The following OSBPL3 variants were observed in gnomAD, a reference collection of about 807,000 sequenced individuals.
The protein encoded by OSBPL3 is oxysterol binding protein like 3.
OSBPL3 carries 65 observed loss-of-function variants against 120.1 expected under a neutral mutation model. The ratio of observed to expected loss-of-function variants is 0.54; its 90% CI spans 0.44 to 0.67. The LOEUF is 0.67. Among genes scored for constraint, OSBPL3 ranks in the 30% least tolerant of loss-of-function variants. The probability of loss-of-function intolerance (pLI) is 0.00; values close to 1 mark genes in which losing one functional copy is unlikely to be tolerated. For missense variants in OSBPL3, 1,004 were observed against 1,082.1 expected (o/e 0.93, Z 1.01); for synonymous variants, 416 against 402.6 (o/e 1.03, Z -0.40).
rs1805810966 is a variant in OSBPL3, at chr7:24,894,340, G to A, written c.-149-1719C>T. On this transcript the variant is annotated intron_variant, in intron 1 of 22. Coordinates refer to ENST00000313367, the MANE Select transcript of OSBPL3 (RefSeq NM_015550.4). This position sits in a 1 kb window ranked among gnomAD's most constrained non-coding sequence, Gnocchi z 4.1. ...GATCCAATAATAAGTAAGACTAAAAGCAAACCAGCACCAGCCTCTTCATAA... is the reference window on the plus strand; with the variant it reads ...GATCCAATAATAAGTAAGACTAAAAACAAACCAGCACCAGCCTCTTCATAA... Among the ~76,000 whole-genome samples the A allele has an allele frequency of 6.6e-6, 1 of 152,104 alleles. No individual in the cohort carries two copies. Among genetic ancestry groups the A allele is most frequent in the African/African-American group, 2.4e-5 (1 of 41,414 alleles).
chr7:24,881,718 TTAAA>T lies in OSBPL3; in HGVS notation c.97-9653_97-9650del, dbSNP rs1325114136. Among the ~76,000 whole-genome samples the T allele has an allele frequency of 6.6e-6, 1 of 152,182 alleles. No individual in the cohort carries two copies. Among genetic ancestry groups the T allele is most frequent in the Non-Finnish European group, 1.5e-5 (1 of 68,026 alleles). On this transcript the variant is annotated intron_variant, in intron 2 of 22. Transcript: ENST00000313367. The surrounding 1 kb of genome is among the most constrained non-coding windows in gnomAD (Gnocchi z 4.3). ...ATGAGCAGTCACAAACTTTGGTGGC[TTAAA>T]TAAACAGATATTTATTCTCTAGCCG...
chr7:24,828,407 C>T (rs894321684), intron 16 of OSBPL3, among the ~76,000 whole-genome samples: 10 of 151,948 alleles, frequency 6.6e-5, no homozygotes, highest in Non-Finnish European at 1.3e-4. Context: ...GGTCAGTTTG[C>T]GACCAGCCCG....
chr7:24,812,057 A>G (rs986408400), intron 19 of OSBPL3, among the ~76,000 whole-genome samples: 1 of 152,226 alleles, frequency 6.6e-6, no homozygotes, highest in African/African-American at 2.4e-5. Context: ...CTGTAATCCC[A>G]GCACTTTGGG....
chr7:24,867,519 G>A lies in OSBPL3; in HGVS notation c.382-1282C>T, dbSNP rs550919811. On this transcript the variant is annotated intron_variant, in intron 5 of 22. Transcript: ENST00000313367. The surrounding 1 kb of genome is among the most constrained non-coding windows in gnomAD (Gnocchi z 4.5). ...CCATGGTGTTCTCGTGGTGGTGCGT[G>A]GGTCTCGCAAGATCTGGTGGTATTA... is the stretch of plus-strand genomic sequence containing the variant. 2.6e-5 allele frequency among the ~76,000 whole-genome samples: 4 copies of A among 152,188 alleles called. No homozygotes were observed. The highest frequency in any genetic ancestry group is 2.0e-4 in the Admixed American group (3 of 15,290).
intron 7 of OSBPL3, among the ~76,000 whole-genome samples, chr7:24,864,246 AATGC>A (rs1377446082): frequency 6.6e-6 from 1 of 152,198 alleles, no homozygotes; most frequent in Non-Finnish European, 1.5e-5. Flanking sequence ...CTGTTCACTG[AATGC>A]TGATGGATGT....
chr7:24,871,806 G>A lies in OSBPL3; in HGVS notation c.214-11C>T. On this transcript the variant is annotated splice_polypyrimidine_tract_variant and intron_variant, in intron 3 of 22. Transcript: ENST00000313367. The surrounding 1 kb of genome is among the most constrained non-coding windows in gnomAD (Gnocchi z 4.8). ...CAGATAGAAGAATCTCTGTGGGGAA[G>A]AAAGTATTATTAATTAAGGCATTCA... 6.2e-7 allele frequency: 1 copy of A among 1,605,538 alleles called. No individual in the cohort carries two copies.
At chr7:24,861,861 T>A in intron 9 of OSBPL3, 92 bp from the exon 10 acceptor site, 32 of 694,486 alleles carry the variant, frequency 4.6e-5, no homozygotes, top group Non-Finnish European at 6.1e-5. Context: ...GTAATACAAA[T>A]ACAAAACATT....
rs948156131 is a variant in OSBPL3, at chr7:24,877,267, A to C, written c.97-5198T>G. Among the ~76,000 whole-genome samples, 3 of 152,210 alleles carry C rather than the reference A, an allele frequency of 2.0e-5. No individual in the cohort carries two copies. Among genetic ancestry groups the C allele is most frequent in the East Asian group, 1.9e-4 (1 of 5,200 alleles). ...ATTGGAAGGAGTTAAGAAACAGTGCAGTATGGATGGAGGCAAGTAAGGTCT... is the reference window on the plus strand; with the variant it reads ...ATTGGAAGGAGTTAAGAAACAGTGCCGTATGGATGGAGGCAAGTAAGGTCT... On this transcript the variant is annotated intron_variant, in intron 2 of 22. Coordinates refer to ENST00000313367, the MANE Select transcript of OSBPL3 (RefSeq NM_015550.4). This position sits in a 1 kb window ranked among gnomAD's most constrained non-coding sequence, Gnocchi z 4.8.
intron 14 of OSBPL3, among the ~76,000 whole-genome samples, chr7:24,836,377 T>C (rs1325675694): frequency 2.0e-5 from 3 of 152,236 alleles, no homozygotes; most frequent in African/African-American, 4.8e-5. Flanking sequence ...CTGTGTGGTT[T>C]GGAGTGCTTT....
rs1205331767 is a variant in OSBPL3, at chr7:24,965,851, C to T, written c.-150+14035G>A. Among the ~76,000 whole-genome samples, 14 of 152,132 alleles carry T rather than the reference C, an allele frequency of 9.2e-5. No homozygotes were observed. The highest frequency in any genetic ancestry group is 9.2e-4 in the Admixed American group (14 of 15,276). On this transcript the variant is annotated intron_variant, in intron 1 of 22. Coordinates refer to ENST00000313367, the MANE Select transcript of OSBPL3 (RefSeq NM_015550.4). The surrounding 1 kb of genome is among the most constrained non-coding windows in gnomAD (Gnocchi z 4.3). ...CAGGCATTAGCCACTGCGACGGACT[C>T]AACTCAAGTGTTTTACCAGTCCCTC...
chr7:24,910,923 A>G (rs1365095360), intron 1 of OSBPL3, among the ~76,000 whole-genome samples: 1 of 152,192 alleles, frequency 6.6e-6, no homozygotes, highest in East Asian at 1.9e-4. Flanking sequence ...AGCTTCTACA[A>G]AATCCCAAAG....
intron 1 of OSBPL3, among the ~76,000 whole-genome samples, chr7:24,962,786 T>C (rs116494395): frequency 0.011 from 1,660 of 152,290 alleles, 22 homozygotes; most frequent in African/African-American, 0.037. Flanking sequence ...TTTTGGACGT[T>C]TTAGCAACAT....
In OSBPL3 at chr7:24,891,857, T is replaced by A. The variant is rs10256759; in HGVS notation, c.96+520A>T. Among the ~76,000 whole-genome samples, 80,542 of 151,994 alleles carry A rather than the reference T, an allele frequency of 0.53. 22,373 individuals are homozygous for A. Among genetic ancestry groups the A allele is most frequent in the East Asian group, 0.78 (4,031 of 5,164 alleles). ...CCATTATAGATATAAAGCAGGTGAG[T>A]CTCGAAGCTACTAACAGGGCAATCT... On this transcript the variant is annotated intron_variant, in intron 2 of 22. Coordinates refer to ENST00000313367, the MANE Select transcript of OSBPL3 (RefSeq NM_015550.4). The surrounding 1 kb of genome is among the most constrained non-coding windows in gnomAD (Gnocchi z 4.1).
At position 24,937,884 on chromosome 7, in the gene OSBPL3, T is replaced by C. The variant is rs1208054632; in HGVS notation, c.-150+42002A>G. 1.3e-5 allele frequency among the ~76,000 whole-genome samples: 2 copies of C among 152,250 alleles called. No individual in the cohort carries two copies. The highest frequency in any genetic ancestry group is 1.9e-4 in the East Asian group (1 of 5,204). ...ATATTCTTGTTCTGGTTTTATATTATGCTTCCAGAATCGAAAGGTATTTCC... is the reference window on the plus strand; with the variant it reads ...ATATTCTTGTTCTGGTTTTATATTACGCTTCCAGAATCGAAAGGTATTTCC... On this transcript the variant is annotated intron_variant, in intron 1 of 22. Transcript: ENST00000313367. The surrounding 1 kb of genome is among the most constrained non-coding windows in gnomAD (Gnocchi z 4.0).
intron 1 of OSBPL3, among the ~76,000 whole-genome samples, chr7:24,904,593 G>A (rs1807580124): frequency 6.6e-6 from 1 of 152,160 alleles, no homozygotes; most frequent in Non-Finnish European, 1.5e-5. Flanking sequence ...GAACATCCAT[G>A]AAATTTGGTA....
Position 24,940,190 on chromosome 7 carries a change from G to C in OSBPL3, c.-150+39696C>G, listed in dbSNP as rs1473884406. 6.6e-6 allele frequency among the ~76,000 whole-genome samples: 1 copy of C among 152,104 alleles called. No individual in the cohort carries two copies. Among genetic ancestry groups the C allele is most frequent in the Non-Finnish European group, 1.5e-5 (1 of 68,008 alleles). On this transcript the variant is annotated intron_variant, in intron 1 of 22. Transcript: ENST00000313367. The surrounding 1 kb of genome is among the most constrained non-coding windows in gnomAD (Gnocchi z 4.4). ...AAAATGGGAAAGGGTTTGAACTTTG[G>C]ATCTGAAAATATATTTTCAGATCAA...
At chr7:24,875,077 G>A (rs1170239900) in intron 2 of OSBPL3, among the ~76,000 whole-genome samples, 5 of 152,202 alleles carry the variant, frequency 3.3e-5, no homozygotes, top group Admixed American at 6.5e-5. Context: ...TGAAAACGCC[G>A]TCCCACACCC....
At chr7:24,926,600 G>C (rs1355449926) in intron 1 of OSBPL3, among the ~76,000 whole-genome samples, 1 of 152,136 alleles carries the variant, frequency 6.6e-6, no homozygotes, top group Non-Finnish European at 1.5e-5. Context: ...CTTTGTAGCA[G>C]CCATGCCCAC....
intron 2 of OSBPL3, among the ~76,000 whole-genome samples, chr7:24,878,380 T>C (rs1803143679): frequency 6.6e-6 from 1 of 152,238 alleles, no homozygotes; most frequent in Non-Finnish European, 1.5e-5. Flanking sequence ...ACTTAATCCG[T>C]TTATCAGTTT....
Sources: gnomAD v4.1 joint callset for allele counts (sites outside exome capture counted in the v4.1 genomes callset) on GRCh38, gnomAD v4.1.1 for gene constraint, Gnocchi (gnomAD v3.1) non-coding constraint, MANE v1.5 for transcripts, NCBI Gene and HGNC (gene_info 2026-07-23, HGNC 2026-07-21) for gene names.